CELF2: variants seen among roughly 807,000 people sequenced by gnomAD.
CELF2 encodes the protein CUGBP Elav-like family member 2.
Under a neutral mutation model 62.6 loss-of-function variants are expected in CELF2, and 8 were observed. That is an observed-to-expected ratio of 0.13 (90% CI 0.07 to 0.23). The LOEUF (loss-of-function observed/expected upper bound fraction) is 0.23, where lower values mean the gene tolerates loss of function less well. Among genes scored for constraint, CELF2 ranks in the 10% least tolerant of loss-of-function variants. The pLI is 1.00. For missense variants in CELF2, 333 were observed against 671.0 expected (o/e 0.50, Z 5.56); for synonymous variants, 258 against 250.0 (o/e 1.03, Z -0.30).
intron 7 of CELF2, among the ~76,000 whole-genome samples, 196 bp from the exon 8 acceptor site, chr10:11,274,861 C>A (rs199605822): frequency 0.1 from 15,781 of 151,628 alleles, 939 homozygotes; most frequent in Middle Eastern, 0.19. Context: ...AGTGAGTTTC[C>A]CCAGTGTTTA....
At chr10:11,061,500 C>G (rs1231309238) in intron 1 of CELF2, among the ~76,000 whole-genome samples, 1 of 152,232 alleles carries the variant, frequency 6.6e-6, no homozygotes, top group Non-Finnish European at 1.5e-5. Context: ...CTAGCAAGAT[C>G]ATTGATGAAG....
the CELF2 span, among the ~76,000 whole-genome samples, chr10:10,470,724 T>C: frequency 2.6e-5 from 4 of 151,218 alleles, no homozygotes; most frequent in Non-Finnish European, 5.9e-5. Context: ...CCCGCCCAAA[T>C]ACTCCAGAAT....
intron 8 of CELF2, among the ~76,000 whole-genome samples, chr10:11,282,034 G>T (rs1183612598): frequency 6.6e-6 from 1 of 152,122 alleles, no homozygotes; most frequent in Admixed American, 6.5e-5. Flanking sequence ...GGCGAGCAAG[G>T]CCACTCCCAG....
At chr10:10,592,197 T>C in the CELF2 span, among the ~76,000 whole-genome samples, 1 of 152,226 alleles carries the variant, frequency 6.6e-6, no homozygotes, top group Admixed American at 6.5e-5. Context: ...AATCTGTTCA[T>C]ATGCTGTTCC....
At chr10:10,893,489 ATGGC>A (rs2062301263) in intron 1 of CELF2, among the ~76,000 whole-genome samples, 1 of 152,148 alleles carries the variant, frequency 6.6e-6, no homozygotes, top group Non-Finnish European at 1.5e-5. Context: ...ACCTAAAACT[ATGGC>A]TTCGTCTACT....
At chr10:10,948,694 C>T (rs1276282692) in intron 2 of CELF2, among the ~76,000 whole-genome samples, 2 of 152,128 alleles carry the variant, frequency 1.3e-5, no homozygotes, top group Admixed American at 6.5e-5. Flanking sequence ...GCACAATAGT[C>T]GGAACCTCTG....
At chr10:10,520,580 G>A in the CELF2 span, among the ~76,000 whole-genome samples, 1 of 152,134 alleles carries the variant, frequency 6.6e-6, no homozygotes, top group Non-Finnish European at 1.5e-5. Flanking sequence ...AGGGAAATGA[G>A]GGCACGCTGC....
the CELF2 span, among the ~76,000 whole-genome samples, chr10:10,685,834 G>A: frequency 6.6e-6 from 1 of 152,170 alleles, no homozygotes; most frequent in Non-Finnish European, 1.5e-5. Context: ...TTAGTCGGGG[G>A]AAGCTGACAT....
chr10:10,750,120 A>G, the CELF2 span, among the ~76,000 whole-genome samples: 2 of 152,192 alleles, frequency 1.3e-5, no homozygotes, highest in African/African-American at 4.8e-5. Flanking sequence ...CATCTCTACT[A>G]AAAATACAAA....
intron 1 of CELF2, among the ~76,000 whole-genome samples, chr10:10,804,494 T>C (rs563019472): frequency 6.6e-6 from 1 of 152,328 alleles, no homozygotes; most frequent in East Asian, 1.9e-4. Flanking sequence ...AAACTAGTCT[T>C]GTTATTAGGA....
chr10:11,048,362 TC>T (rs1369033971), intron 1 of CELF2, among the ~76,000 whole-genome samples: 1 of 152,238 alleles, frequency 6.6e-6, no homozygotes, highest in African/African-American at 2.4e-5. Flanking sequence ...TTTTTAGCTT[TC>T]TCAGTATTAC....
the CELF2 span, among the ~76,000 whole-genome samples, chr10:10,745,378 C>T: frequency 3.3e-5 from 5 of 152,264 alleles, no homozygotes; most frequent in African/African-American, 1.2e-4. Flanking sequence ...ATTTTCTAGT[C>T]CATGTGAATT....
chr10:10,691,692 A>T, the CELF2 span, among the ~76,000 whole-genome samples: 1,301 of 142,958 alleles, frequency 9.1e-3, 17 homozygotes, highest in African/African-American at 0.029. Context: ...TTTTAATGAT[A>T]GCCATTCTAA....
intron 1 of CELF2, among the ~76,000 whole-genome samples, chr10:11,100,917 G>A (rs2051422319): frequency 6.6e-6 from 1 of 152,202 alleles, no homozygotes; most frequent in Admixed American, 6.5e-5. Flanking sequence ...GCATTAGGAT[G>A]CAGATGGCAG....
At chr10:10,842,285 T>G (rs1437741041) in intron 1 of CELF2, among the ~76,000 whole-genome samples, 1 of 152,072 alleles carries the variant, frequency 6.6e-6, no homozygotes, top group Non-Finnish European at 1.5e-5. Flanking sequence ...TTTACTTCTT[T>G]TTCTTGTATT....
the CELF2 span, among the ~76,000 whole-genome samples, chr10:10,692,012 A>C: frequency 6.6e-6 from 1 of 151,604 alleles, no homozygotes; most frequent in Non-Finnish European, 1.5e-5. Context: ...CTTTAGTTTA[A>C]TGAGATCCCA....
At chr10:10,686,318 G>A in the CELF2 span, among the ~76,000 whole-genome samples, 2 of 85,676 alleles carry the variant, frequency 2.3e-5, no homozygotes, top group East Asian at 4.9e-4. Context: ...TTTGGGGGGG[G>A]GGGTGGGGTG....
intron 1 of CELF2, among the ~76,000 whole-genome samples, chr10:11,058,231 G>A (rs192964570): frequency 9.6e-4 from 146 of 152,222 alleles, no homozygotes; most frequent in African/African-American, 3.4e-3. Context: ...ACATTGTTAA[G>A]TACTGTCTGT....
At chr10:10,955,895 C>CGACTTG in intron 2 of CELF2, among the ~76,000 whole-genome samples, 1 of 152,296 alleles carries the variant, frequency 6.6e-6, no homozygotes. Context: ...AGAGGCAAAG[C>CGACTTG]GACTTGCTAG....
Sources: allele counts gnomAD v4.1 joint callset (sites outside exome capture counted in the v4.1 genomes callset), GRCh38; gene constraint gnomAD v4.1.1; transcripts MANE v1.5; gene names NCBI Gene and HGNC (gene_info 2026-07-23, HGNC 2026-07-21).